Variants in PITPNC1 observed in about 807,000 individuals in gnomAD.
The protein encoded by PITPNC1 is phosphatidylinositol transfer protein cytoplasmic 1, also known as cytoplasmic phosphatidylinositol transfer protein 1.
PITPNC1 carries 18 observed loss-of-function variants against 44.7 expected under a neutral mutation model. The observed-to-expected ratio is 0.40, with a 90% CI of 0.28 to 0.60. The LOEUF (loss-of-function observed/expected upper bound fraction) is 0.60. Ranked by LOEUF, PITPNC1 falls within the 20% of genes least tolerant of loss-of-function variation. The pLI, the probability that PITPNC1 is intolerant of heterozygous loss-of-function variation, is 0.39. For missense variants in PITPNC1, 290 were observed against 418.4 expected (o/e 0.69, Z 2.68); for synonymous variants, 141 against 149.6 (o/e 0.94, Z 0.42).
chr17:67,605,858 G>A (rs556162301), intron 5 of PITPNC1, among the ~76,000 whole-genome samples: 3 of 152,278 alleles, frequency 2.0e-5, no homozygotes, highest in South Asian at 2.1e-4. Context: ...AGAGAGCATC[G>A]TACTGAGTAT....
At chr17:67,528,860 C>T (rs915153269) in intron 1 of PITPNC1, among the ~76,000 whole-genome samples, 9 of 152,152 alleles carry the variant, frequency 5.9e-5, no homozygotes, top group African/African-American at 1.7e-4. Flanking sequence ...CTCCCCCAAA[C>T]GAGAAACTGC....
intron 6 of PITPNC1, among the ~76,000 whole-genome samples, chr17:67,639,791 A>C (rs1424500037): frequency 6.6e-6 from 1 of 152,198 alleles, no homozygotes. Flanking sequence ...TAGCTTTTCC[A>C]ATAACTGTCA....
chr17:67,445,177 T>TGGGTTTC (rs2039077730), intron 1 of PITPNC1, among the ~76,000 whole-genome samples: 1 of 152,042 alleles, frequency 6.6e-6, no homozygotes, highest in African/African-American at 2.4e-5. Flanking sequence ...TTGACCGACT[T>TGGGTTTC]CAGTGTTTTG....
At chr17:67,624,964 T>C (rs2041878505) in intron 5 of PITPNC1, among the ~76,000 whole-genome samples, 1 of 152,226 alleles carries the variant, frequency 6.6e-6, no homozygotes, top group South Asian at 2.1e-4. Flanking sequence ...AATTTTGGAA[T>C]CTATAACATG....
intron 5 of PITPNC1, among the ~76,000 whole-genome samples, chr17:67,631,502 G>A (rs1298961616): frequency 1.0e-4 from 14 of 137,094 alleles, no homozygotes; most frequent in African/African-American, 2.1e-4. Context: ...GGTGGTGGGC[G>A]CCTGTAATCC....
chr17:67,390,639 G>T (rs1451627667), intron 1 of PITPNC1, among the ~76,000 whole-genome samples: 2 of 152,162 alleles, frequency 1.3e-5, no homozygotes, highest in Admixed American at 1.3e-4. Context: ...TGGCTAACTG[G>T]CTATTTAAAC....
At position 67,687,647 on chromosome 17, in the gene PITPNC1, G is replaced by C. The variant is rs183916769; in HGVS notation, c.683-4925G>C. On this transcript the variant is annotated intron_variant, in intron 8 of 8. Coordinates refer to ENST00000581322, the MANE Select transcript of PITPNC1 (RefSeq NM_012417.4). ...AAGCTTTCTGTGGCTCTTTATAGCT[G>C]TTTTACCCAATCAGTTCCTTTTTAC... Among the ~76,000 whole-genome samples the C allele has an allele frequency of 4.2e-4, 64 of 152,256 alleles. 1 individual carries two copies. Among genetic ancestry groups the C allele is most frequent in the Non-Finnish European group, 7.5e-4 (51 of 68,016 alleles).
intron 8 of PITPNC1, among the ~76,000 whole-genome samples, chr17:67,679,091 TTTAAGAACTACTGGC>T (rs1351835840): frequency 6.6e-6 from 1 of 152,140 alleles, no homozygotes; most frequent in Non-Finnish European, 1.5e-5. Flanking sequence ...CTGGCTAAAG[TTTAAGAACTACTGGC>T]TTATAGCATG....
chr17:67,604,356 AGCAGGAT>A (rs1304361726), intron 5 of PITPNC1, among the ~76,000 whole-genome samples: 2 of 152,246 alleles, frequency 1.3e-5, no homozygotes, highest in African/African-American at 2.4e-5. Context: ...GTAGGCTAAT[AGCAGGAT>A]GCTGGTGACA....
chr17:67,637,401 G>T (rs1249662762), intron 6 of PITPNC1, among the ~76,000 whole-genome samples: 1 of 152,078 alleles, frequency 6.6e-6, no homozygotes, highest in Non-Finnish European at 1.5e-5. Flanking sequence ...GAGGAAGCCG[G>T]ATGCTGATGG....
At chr17:67,398,905 T>G (rs189142994) in intron 1 of PITPNC1, among the ~76,000 whole-genome samples, 1 of 152,074 alleles carries the variant, frequency 6.6e-6, no homozygotes, top group African/African-American at 2.4e-5. Context: ...CATGCACTTA[T>G]GAAGCTTTCT....
intron 1 of PITPNC1, chr17:67,408,702 C>A (rs186384933): frequency 7.2e-6 from 1 of 139,494 alleles, no homozygotes. Flanking sequence ...TCCTTCCTTC[C>A]TTCCTTCCTT....
At chr17:67,425,203 GCACACACACACACA>G (rs60705271) in intron 1 of PITPNC1, among the ~76,000 whole-genome samples, 3,023 of 98,738 alleles carry the variant, frequency 0.031, 260 homozygotes, top group African/African-American at 0.069. Context: ...GCACGCACAC[GCACACACACACACA>G]CACACACACA....
intron 1 of PITPNC1, among the ~76,000 whole-genome samples, chr17:67,435,084 G>C (rs1191760605): frequency 7.0e-6 from 1 of 143,860 alleles, no homozygotes; most frequent in Non-Finnish European, 1.5e-5. Context: ...ACTCCAGCCT[G>C]GGTGACAGAG....
chr17:67,384,045 C>CA (rs2038004970), intron 1 of PITPNC1, among the ~76,000 whole-genome samples: 1 of 151,996 alleles, frequency 6.6e-6, no homozygotes, highest in South Asian at 2.1e-4. Context: ...CTCAAAAAAA[C>CA]AAAAACAAAC....
chr17:67,381,468 CTTTTT>C (rs1180701616), intron 1 of PITPNC1, among the ~76,000 whole-genome samples: 1 of 135,646 alleles, frequency 7.4e-6, no homozygotes, highest in African/African-American at 2.7e-5. Context: ...GTTTCTCTCT[CTTTTT>C]TTTTTTTTTT....
chr17:67,656,655 G>A (rs1373075017), intron 6 of PITPNC1, among the ~76,000 whole-genome samples: 2 of 152,170 alleles, frequency 1.3e-5, no homozygotes, highest in East Asian at 3.9e-4. Flanking sequence ...CGTAATCTCG[G>A]TCACACTAAA....
intron 7 of PITPNC1, among the ~76,000 whole-genome samples, chr17:67,672,975 T>A (rs1449113348): frequency 2.0e-5 from 3 of 152,168 alleles, no homozygotes; most frequent in Non-Finnish European, 4.4e-5. Flanking sequence ...AGCCGACAGC[T>A]GTGTTGTGCT....
rs188624554 is a variant in PITPNC1 at position 67,451,878 on chromosome 17, C to T, written c.48+73676C>T. Among the ~76,000 whole-genome samples the T allele has an allele frequency of 9.8e-4, 149 of 151,656 alleles. 1 individual carries two copies. In the Middle Eastern group the frequency reaches 0.01, roughly 10 times the overall value. On this transcript the variant is annotated intron_variant, in intron 1 of 8. Transcript: ENST00000581322. ...GTCTCAATCTCCTGACCTCGTGATC[C>T]GCACACCTCGGCCTCCCAAAGTGCT...
Sources: allele counts gnomAD v4.1 joint callset (sites outside exome capture counted in the v4.1 genomes callset), GRCh38; gene constraint gnomAD v4.1.1; transcripts MANE v1.5; gene names NCBI Gene and HGNC (gene_info 2026-07-23, HGNC 2026-07-21).